The following LIPC variants were observed in gnomAD, a reference collection of about 807,000 sequenced individuals.
LIPC encodes the protein hepatic triacylglycerol lipase.
LIPC carries 44 observed loss-of-function variants against 50.7 expected under a neutral mutation model. The observed-to-expected ratio is 0.87, with a 90% CI of 0.68 to 1.11. LIPC has a LOEUF of 1.11. Among genes scored for constraint, LIPC ranks in the 50% most tolerant of loss-of-function variants. LIPC has a pLI of 0.00. For missense variants in LIPC, 697 were observed against 648.2 expected (o/e 1.08, Z -0.82); for synonymous variants, 271 against 256.4 (o/e 1.06, Z -0.54).
intron 1 of LIPC, among the ~76,000 whole-genome samples, chr15:58,537,911 C>T (rs1293407614): frequency 6.6e-6 from 1 of 152,222 alleles, no homozygotes; most frequent in East Asian, 1.9e-4. Flanking sequence ...ATGCTCTATT[C>T]ACTGTCTCTC....
chr15:58,564,332 A>C (rs1471328690), intron 8 of LIPC, among the ~76,000 whole-genome samples: 1 of 151,966 alleles, frequency 6.6e-6, no homozygotes, highest in Non-Finnish European at 1.5e-5. Context: ...CCAATGTAGA[A>C]CAATGGGTCA....
intron 1 of LIPC, among the ~76,000 whole-genome samples, chr15:58,465,047 GA>G (rs1400827963): frequency 6.6e-6 from 1 of 152,116 alleles, no homozygotes; most frequent in Non-Finnish European, 1.5e-5. Context: ...CCGAATAAAA[GA>G]ATAATACTAT....
chr15:58,444,429 TCA>T (rs1178997790), intron 1 of LIPC, among the ~76,000 whole-genome samples: 1 of 152,146 alleles, frequency 6.6e-6, no homozygotes, highest in African/African-American at 2.4e-5. Flanking sequence ...CACTCGATAT[TCA>T]CACAGTCTAG....
At chr15:58,447,628 T>G (rs546866581) in intron 1 of LIPC, among the ~76,000 whole-genome samples, 1 of 152,202 alleles carries the variant, frequency 6.6e-6, no homozygotes, top group East Asian at 1.9e-4. Flanking sequence ...AGCTTCAAAT[T>G]GTGCTTTCCA....
intron 1 of LIPC, among the ~76,000 whole-genome samples, chr15:58,488,520 G>GC (rs60190996): frequency 6.6e-6 from 1 of 152,020 alleles, no homozygotes; most frequent in South Asian, 2.1e-4. Context: ...TCCAGAGTTA[G>GC]CCCCCTTGGA....
intron 1 of LIPC, among the ~76,000 whole-genome samples, chr15:58,458,533 G>A (rs1337957563): frequency 6.6e-6 from 1 of 152,222 alleles, no homozygotes; most frequent in Non-Finnish European, 1.5e-5. Context: ...CAAAGAATAA[G>A]TCTTACTTGA....
intron 1 of LIPC, among the ~76,000 whole-genome samples, chr15:58,432,546 G>C (rs1304843675): frequency 3.9e-5 from 6 of 152,152 alleles, no homozygotes; most frequent in Middle Eastern, 3.2e-3. Context: ...CAGAAGAGAG[G>C]GGAATTTATG....
intron 1 of LIPC, among the ~76,000 whole-genome samples, chr15:58,470,365 T>C (rs1894749186): frequency 6.6e-6 from 1 of 152,140 alleles, no homozygotes; most frequent in Non-Finnish European, 1.5e-5. Context: ...TATGAAAGGG[T>C]ATATAGTAAT....
intron 1 of LIPC, among the ~76,000 whole-genome samples, chr15:58,488,379 T>C (rs999562620): frequency 1.3e-5 from 2 of 152,226 alleles, no homozygotes; most frequent in South Asian, 4.1e-4. Flanking sequence ...CATGCCTCAG[T>C]TTCCTTATCT....
At chr15:58,505,154 G>A (rs1436982076) in intron 1 of LIPC, among the ~76,000 whole-genome samples, 1 of 152,230 alleles carries the variant, frequency 6.6e-6, no homozygotes, top group Non-Finnish European at 1.5e-5. Context: ...CCACGAATAG[G>A]CCAGGACCTA....
intron 1 of LIPC, among the ~76,000 whole-genome samples, chr15:58,434,346 T>C (rs775214904): frequency 6.6e-6 from 1 of 152,208 alleles, no homozygotes; most frequent in Non-Finnish European, 1.5e-5. Context: ...TTATTATTAA[T>C]GACATCTTAC....
intron 1 of LIPC, among the ~76,000 whole-genome samples, chr15:58,527,851 C>A (rs1480632455): frequency 2.0e-5 from 3 of 152,058 alleles, no homozygotes; most frequent in African/African-American, 7.2e-5. Context: ...AAAAGCATAC[C>A]CAAGAGCCAG....
chr15:58,487,239 A>T (rs1003246472), intron 1 of LIPC, among the ~76,000 whole-genome samples: 2 of 152,194 alleles, frequency 1.3e-5, no homozygotes, highest in African/African-American at 2.4e-5. Flanking sequence ...TCATAACTAA[A>T]TGATCTTAAG....
intron 1 of LIPC, among the ~76,000 whole-genome samples, chr15:58,482,934 T>C (rs1350876725): frequency 1.3e-5 from 2 of 152,110 alleles, no homozygotes; most frequent in Non-Finnish European, 2.9e-5. Context: ...GACTGGGTGG[T>C]GATTCCTGAG....
chr15:58,562,136 G>A (rs1156821005), intron 7 of LIPC, among the ~76,000 whole-genome samples: 1 of 152,136 alleles, frequency 6.6e-6, no homozygotes, highest in Non-Finnish European at 1.5e-5. Context: ...TGGTGCTTCA[G>A]AAACAACCCC....
chr15:58,548,462 T>A lies in LIPC; in HGVS notation c.941T>A (p.Leu314Gln). The change falls in exon 6 of 9, where the codon CTG (leucine) becomes CAG (glutamine). Residue 314 changes from leucine to glutamine, a missense_variant. Leu to Gln is a moderately radical substitution (Grantham distance 113). Transcript: ENST00000299022. ...AACAGCTTCAGCCAGGGCCTGTGCC[T>A]GAGCTGCAAGAAGGGCCGCTGCAAC... ...DMNSFSQGLC[L>Q]SCKKGRCNTL... 2 of 1,613,132 alleles carry A rather than the reference T, an allele frequency of 1.2e-6. No homozygotes were observed. The highest frequency in any genetic ancestry group is 1.7e-6 in the Non-Finnish European group (2 of 1,179,552).
chr15:58,440,004 G>C (rs1893449020), intron 1 of LIPC, among the ~76,000 whole-genome samples: 2 of 152,194 alleles, frequency 1.3e-5, no homozygotes, highest in Admixed American at 1.3e-4. Context: ...TAGGGTTGAA[G>C]GGGTGAGAAT....
chr15:58,517,195 T>C (rs1892510565), intron 1 of LIPC, among the ~76,000 whole-genome samples: 1 of 152,224 alleles, frequency 6.6e-6, no homozygotes. Context: ...CTCACCTCAC[T>C]CTCCTGTGTA....
In LIPC at chr15:58,541,862, G is replaced by C; in HGVS notation, c.351G>C (p.Val117=). The C allele has an allele frequency of 6.2e-7, 1 of 1,612,936 alleles. No individual in the cohort carries two copies. The highest frequency in any genetic ancestry group is 8.5e-7 in the Non-Finnish European group (1 of 1,179,978). ...LKSQPAQPVN[V]GLVDWITLAH... The stretch of plus-strand genomic sequence containing the variant: ...CTCAGCCGGCCCAGCCAGTGAACGT[G>C]GGGCTGGTGGACTGGATCACCCTGG... Residue 117 remains valine, a synonymous_variant, in exon 3 of 9, where the codon GTG becomes GTC. Coordinates refer to ENST00000299022, the MANE Select transcript of LIPC (RefSeq NM_000236.3).
Sources: gnomAD v4.1 joint callset for allele counts (sites outside exome capture counted in the v4.1 genomes callset) on GRCh38, gnomAD v4.1.1 for gene constraint, MANE v1.5 for transcripts, NCBI Gene and HGNC (gene_info 2026-07-23, HGNC 2026-07-21) for gene names.